The following GRID1 variants were observed in gnomAD, a reference collection of about 807,000 sequenced individuals.
GRID1 encodes the protein glutamate ionotropic receptor delta type subunit 1, also known as glutamate receptor ionotropic, delta-1.
GRID1 carries 28 observed loss-of-function variants against 98.0 expected under a neutral mutation model. That is an observed-to-expected ratio of 0.29 (90% CI 0.21 to 0.39). GRID1 has a LOEUF of 0.39. GRID1 is among the 10% of genes least tolerant of loss of function. GRID1 has a pLI of 1.00. For synonymous variants in GRID1, 553 were observed against 538.5 expected, an observed-to-expected ratio of 1.03 and a Z score of -0.37; for missense variants, 1,111 against 1,340.5, an observed-to-expected ratio of 0.83 and a Z score of 2.67.
intron 2 of GRID1, among the ~76,000 whole-genome samples, chr10:86,219,977 C>G (rs1298466591): frequency 6.6e-6 from 1 of 152,188 alleles, no homozygotes; most frequent in East Asian, 1.9e-4. Flanking sequence ...CAGCCCAGAG[C>G]CTGGGTTGGT....
At position 85,818,439 on chromosome 10, in the gene GRID1, A is replaced by C. The variant is rs73330556; in HGVS notation, c.1233+36057T>G. Among the ~76,000 whole-genome samples the C allele has an allele frequency of 5.7e-3, 868 of 152,336 alleles. 7 individuals are homozygous for C. Among genetic ancestry groups the C allele is most frequent in the African/African-American group, 0.02 (816 of 41,564 alleles). ...CCTCACTTTGTCCATTAAAAGGTCC[A>C]AGAAGCAGTGATAGCTCAGTAAAAG... On this transcript the variant is annotated intron_variant, in intron 8 of 15. Transcript: ENST00000327946.
In GRID1 at chr10:86,235,133, T is replaced by A. The variant is rs138982711; in HGVS notation, c.236-28485A>T. 2.8e-3 allele frequency among the ~76,000 whole-genome samples: 422 copies of A among 152,342 alleles called. 3 individuals carry two copies. The highest frequency in any genetic ancestry group is 9.5e-3 in the African/African-American group (395 of 41,576). On this transcript the variant is annotated intron_variant, in intron 2 of 15. Coordinates refer to ENST00000327946, the MANE Select transcript of GRID1 (RefSeq NM_017551.3). ...CTTGGGCCTTGCACACTCATACATATGCCCTCCTCAAATATTCAGGCCCTG... is the reference window on the plus strand; with the variant it reads ...CTTGGGCCTTGCACACTCATACATAAGCCCTCCTCAAATATTCAGGCCCTG...
intron 4 of GRID1, among the ~76,000 whole-genome samples, chr10:85,973,998 C>T (rs941025752): frequency 2.6e-5 from 4 of 152,154 alleles, no homozygotes; most frequent in Non-Finnish European, 5.9e-5. Context: ...TGGGGAGTCA[C>T]CTGGATGGCC....
intron 4 of GRID1, among the ~76,000 whole-genome samples, chr10:86,105,578 G>A (rs1844371133): frequency 6.6e-6 from 1 of 152,176 alleles, no homozygotes; most frequent in Non-Finnish European, 1.5e-5. Flanking sequence ...CAGAGCCCTA[G>A]GGGCCAGCTG....
chr10:85,803,584 A>G (rs2132755218), intron 8 of GRID1, among the ~76,000 whole-genome samples: 1 of 152,212 alleles, frequency 6.6e-6, no homozygotes, highest in East Asian at 1.9e-4. Flanking sequence ...TAATAAATTA[A>G]TAACAAAAGC....
At chr10:85,667,770 G>A (rs1841039472) in intron 12 of GRID1, among the ~76,000 whole-genome samples, 1 of 152,216 alleles carries the variant, frequency 6.6e-6, no homozygotes, top group African/African-American at 2.4e-5. Flanking sequence ...ATGAGTGGAT[G>A]AGTCCAGCCT....
intron 4 of GRID1, among the ~76,000 whole-genome samples, chr10:85,977,137 T>A (rs1249581993): frequency 6.6e-6 from 1 of 152,238 alleles, no homozygotes; most frequent in Admixed American, 6.5e-5. Flanking sequence ...CCCCCTCTGC[T>A]ATAAATGTGA....
At chr10:86,040,597 G>A (rs1843331979) in intron 4 of GRID1, among the ~76,000 whole-genome samples, 1 of 152,002 alleles carries the variant, frequency 6.6e-6, no homozygotes, top group African/African-American at 2.4e-5. Flanking sequence ...GGGCAAGGGG[G>A]AAATGGGGAG....
At chr10:85,801,776 T>C (rs1455023618) in intron 8 of GRID1, among the ~76,000 whole-genome samples, 4 of 151,796 alleles carry the variant, frequency 2.6e-5, no homozygotes, top group Non-Finnish European at 4.4e-5. Context: ...TATTCAACAT[T>C]ATACTACATG....
At chr10:86,337,364 C>T (rs999732758) in intron 2 of GRID1, among the ~76,000 whole-genome samples, 5 of 152,152 alleles carry the variant, frequency 3.3e-5, no homozygotes, top group East Asian at 1.9e-4. Context: ...TGACTTTGTG[C>T]GCTCAGGAGT....
At chr10:86,104,735 A>G (rs1385712513) in intron 4 of GRID1, among the ~76,000 whole-genome samples, 3 of 152,144 alleles carry the variant, frequency 2.0e-5, no homozygotes, top group Non-Finnish European at 2.9e-5. Context: ...TGTCCCTTCA[A>G]TGTTGGACAC....
intron 3 of GRID1, among the ~76,000 whole-genome samples, chr10:86,205,190 T>G (rs1289164519): frequency 1.3e-5 from 2 of 152,252 alleles, no homozygotes; most frequent in African/African-American, 4.8e-5. Context: ...TTTAGGCAAA[T>G]GCAAACATAT....
intron 3 of GRID1, among the ~76,000 whole-genome samples, chr10:86,179,941 G>A (rs907631691): frequency 3.9e-5 from 6 of 152,168 alleles, no homozygotes; most frequent in Admixed American, 2.0e-4. Flanking sequence ...GCACATGGGC[G>A]GGAGGGAGCC....
At chr10:86,274,073 T>C (rs1847229197) in intron 2 of GRID1, among the ~76,000 whole-genome samples, 1 of 152,210 alleles carries the variant, frequency 6.6e-6, no homozygotes, top group Non-Finnish European at 1.5e-5. Flanking sequence ...TTAATCCATC[T>C]TGAATTAATT....
chr10:86,154,208 G>A (rs892629916), intron 3 of GRID1, among the ~76,000 whole-genome samples: 12 of 152,170 alleles, frequency 7.9e-5, no homozygotes, highest in Admixed American at 2.0e-4. Context: ...TGCCAGGAAC[G>A]CTGGGTGAGG....
intron 4 of GRID1, among the ~76,000 whole-genome samples, chr10:85,991,823 G>A (rs2131868545): frequency 6.6e-6 from 1 of 152,260 alleles, no homozygotes; most frequent in African/African-American, 2.4e-5. Context: ...AACAAAATCA[G>A]GAGAAACAGA....
intron 4 of GRID1, among the ~76,000 whole-genome samples, chr10:85,951,465 T>C (rs1842125079): frequency 6.6e-6 from 1 of 152,136 alleles, no homozygotes; most frequent in Non-Finnish European, 1.5e-5. Context: ...AATTGGGGTT[T>C]CTTTCACATA....
chr10:85,807,875 TAGTC>T (rs1430415334), intron 8 of GRID1, among the ~76,000 whole-genome samples: 2 of 152,196 alleles, frequency 1.3e-5, no homozygotes, highest in Admixed American at 1.3e-4. Flanking sequence ...TTTCTGTACA[TAGTC>T]AAGAGAAACT....
At chr10:86,037,988 C>T (rs1843292202) in intron 4 of GRID1, among the ~76,000 whole-genome samples, 1 of 151,998 alleles carries the variant, frequency 6.6e-6, no homozygotes, top group Admixed American at 6.6e-5. Context: ...AAGGTGGGCC[C>T]TAATCCAATA....
Sources: allele counts gnomAD v4.1 joint callset (sites outside exome capture counted in the v4.1 genomes callset), GRCh38; gene constraint gnomAD v4.1.1; transcripts MANE v1.5; gene names NCBI Gene and HGNC (gene_info 2026-07-23, HGNC 2026-07-21).